SPAG16: variants seen among roughly 807,000 people sequenced by gnomAD.
The protein encoded by SPAG16 is sperm-associated antigen 16 protein.
In SPAG16, 86 loss-of-function variants were observed where a neutral mutation model predicts 80.4. That is an observed-to-expected ratio of 1.07 (90% CI 0.90 to 1.28). SPAG16 has a LOEUF of 1.28. Among genes scored for constraint, SPAG16 ranks in the 50% most tolerant of loss-of-function variants. The pLI, the probability that SPAG16 is intolerant of heterozygous loss-of-function variation, is 0.00. For synonymous variants in SPAG16, 294 were observed against 265.9 expected (o/e 1.11, Z -1.03); for missense variants, 870 against 765.3 (o/e 1.14, Z -1.61).
At chr2:214,256,637 C>T (rs1404712996) in intron 15 of SPAG16, among the ~76,000 whole-genome samples, 2 of 151,814 alleles carry the variant, frequency 1.3e-5, no homozygotes, top group African/African-American at 4.8e-5. Context: ...TTAAAACAAA[C>T]AAACAAACAA....
At chr2:213,430,565 A>G (rs1235803558) in intron 9 of SPAG16, among the ~76,000 whole-genome samples, 1 of 152,216 alleles carries the variant, frequency 6.6e-6, no homozygotes, top group African/African-American at 2.4e-5. Context: ...GGGAAGCCAA[A>G]AGATTGGACA....
chr2:213,686,788 G>A (rs1398011995), intron 10 of SPAG16, among the ~76,000 whole-genome samples: 1 of 143,706 alleles, frequency 7.0e-6, no homozygotes. Flanking sequence ...CTGGGCTCAA[G>A]CGATTCTGCC....
At chr2:213,396,722 A>G (rs558323245) in intron 9 of SPAG16, 21 of 445,422 alleles carry the variant, frequency 4.7e-5, no homozygotes, top group Admixed American at 3.9e-4. Context: ...ATTTGTCAGC[A>G]GGAGCCAAAT....
intron 13 of SPAG16, among the ~76,000 whole-genome samples, chr2:214,037,377 G>GT (rs1172687649): frequency 6.6e-6 from 1 of 151,762 alleles, no homozygotes; most frequent in Non-Finnish European, 1.5e-5. Context: ...AAAATAATCT[G>GT]TTTTTTGTTA....
At chr2:213,325,652 A>G (rs1049845447) in intron 5 of SPAG16, among the ~76,000 whole-genome samples, 6 of 151,104 alleles carry the variant, frequency 4.0e-5, no homozygotes, top group South Asian at 4.2e-4. Flanking sequence ...GTGCATATCT[A>G]TTTTTTGAGG....
intron 9 of SPAG16, among the ~76,000 whole-genome samples, chr2:213,398,266 C>T (rs1228463958): frequency 1.3e-5 from 2 of 151,702 alleles, no homozygotes; most frequent in Non-Finnish European, 2.9e-5. Flanking sequence ...CTCTTTTGAA[C>T]ACAGCAGCCA....
chr2:213,870,356 G>T lies in SPAG16; in HGVS notation c.1214+7728G>T, dbSNP rs1002045764. On this transcript the variant is annotated intron_variant, in intron 11 of 15. Coordinates refer to ENST00000331683, the MANE Select transcript of SPAG16 (RefSeq NM_024532.5). ...TATAAGACTGGACGGCTTGTCTATTGTGGCTTGCTAGTGTTAACTATCCTC... is the reference window on the plus strand; with the variant it reads ...TATAAGACTGGACGGCTTGTCTATTTTGGCTTGCTAGTGTTAACTATCCTC... Among the ~76,000 whole-genome samples the T allele has an allele frequency of 1.8e-3, 168 of 93,266 alleles. 1 individual carries two copies. The highest frequency in any genetic ancestry group is 7.1e-4 in the Non-Finnish European group (25 of 35,000). 61.2% of individuals were successfully genotyped at this position (93,266 alleles called of 152,430 possible).
intron 12 of SPAG16, among the ~76,000 whole-genome samples, chr2:213,962,620 T>A (rs1407701022): frequency 6.6e-6 from 1 of 152,232 alleles, no homozygotes; most frequent in African/African-American, 2.4e-5. Flanking sequence ...AAACCTGATA[T>A]TTTGATCTGG....
At chr2:213,890,000 A>G (rs1223999591) in intron 11 of SPAG16, among the ~76,000 whole-genome samples, 3 of 152,024 alleles carry the variant, frequency 2.0e-5, no homozygotes, top group African/African-American at 7.2e-5. Context: ...TGCAGATGAA[A>G]TAATTATAAT....
intron 12 of SPAG16, among the ~76,000 whole-genome samples, chr2:214,003,626 T>C (rs572374628): frequency 6.6e-6 from 1 of 152,366 alleles, no homozygotes; most frequent in African/African-American, 2.4e-5. Flanking sequence ...AACACTGAAT[T>C]AGTAAATACT....
chr2:214,284,501 C>T (rs1693201851), intron 15 of SPAG16, among the ~76,000 whole-genome samples: 1 of 152,152 alleles, frequency 6.6e-6, no homozygotes, highest in Non-Finnish European at 1.5e-5. Flanking sequence ...TCTCATGTTT[C>T]TCTAGCTCCA....
intron 15 of SPAG16, among the ~76,000 whole-genome samples, chr2:214,390,252 C>A (rs191680025): frequency 2.6e-5 from 4 of 150,996 alleles, no homozygotes; most frequent in Non-Finnish European, 4.4e-5. Flanking sequence ...TTTACTCTAA[C>A]TCTGTATGCA....
chr2:213,885,501 T>C (rs1008333152), intron 11 of SPAG16, among the ~76,000 whole-genome samples: 16 of 152,196 alleles, frequency 1.1e-4, no homozygotes, highest in African/African-American at 3.6e-4. Context: ...GTTTATCAGT[T>C]ACAAAAATTA....
At position 213,375,636 on chromosome 2, in the gene SPAG16, C is replaced by G. The variant is rs572889829; in HGVS notation, c.942+517C>G. On this transcript the variant is annotated intron_variant, in intron 9 of 15. Coordinates refer to ENST00000331683, the MANE Select transcript of SPAG16 (RefSeq NM_024532.5). ...ATTAAAAATGGTTGGTCAAAGAGAT[C>G]AAAAATGAAGAAAATTACATAAAAC... 3.9e-5 allele frequency among the ~76,000 whole-genome samples: 6 copies of G among 151,968 alleles called. No homozygotes were observed. The East Asian group carries it at 7.7e-4, about 20-fold the overall frequency.
At chr2:214,024,581 A>G (rs886495117) in intron 13 of SPAG16, among the ~76,000 whole-genome samples, 2 of 151,600 alleles carry the variant, frequency 1.3e-5, no homozygotes. Flanking sequence ...GTTATATAAT[A>G]CATTCTAAAC....
chr2:214,091,799 C>T (rs2080776), intron 13 of SPAG16, among the ~76,000 whole-genome samples: 87,101 of 151,822 alleles, frequency 0.57, 25,965 homozygotes, highest in African/African-American at 0.62. Context: ...TCCTACAATT[C>T]CTATCTTCTT....
rs1337128961 is a variant in SPAG16 at position 213,865,006 on chromosome 2, C to T, written c.1214+2378C>T. 3.9e-5 allele frequency among the ~76,000 whole-genome samples: 6 copies of T among 151,948 alleles called. No homozygotes were observed. In the South Asian group the frequency reaches 6.2e-4, roughly 16 times the overall value. ...TCGAAATATATAAAACAAAAAATCT[C>T]GTAAAACAAGATGATAGTAAAAAAA... On this transcript the variant is annotated intron_variant, in intron 11 of 15. Coordinates refer to ENST00000331683, the MANE Select transcript of SPAG16 (RefSeq NM_024532.5).
At chr2:213,381,748 T>C (rs2067184104) in intron 9 of SPAG16, among the ~76,000 whole-genome samples, 1 of 152,256 alleles carries the variant, frequency 6.6e-6, no homozygotes, top group African/African-American at 2.4e-5. Flanking sequence ...ATGTAGCCAC[T>C]AACCATTTCC....
intron 15 of SPAG16, among the ~76,000 whole-genome samples, chr2:214,325,732 T>TTA (rs2126001539): frequency 6.6e-6 from 1 of 152,302 alleles, no homozygotes; most frequent in Non-Finnish European, 1.5e-5. Context: ...AGCTTTTTTT[T>TTA]TTTACATGTA....
Sources: gnomAD v4.1 joint callset for allele counts (sites outside exome capture counted in the v4.1 genomes callset) on GRCh38, gnomAD v4.1.1 for gene constraint, MANE v1.5 for transcripts, NCBI Gene and HGNC (gene_info 2026-07-23, HGNC 2026-07-21) for gene names.